Variants in TBC1D22A observed in about 807,000 individuals in gnomAD.
TBC1D22A encodes putative GTPase activator.
Under a neutral mutation model 60.2 loss-of-function variants are expected in TBC1D22A, and 38 were observed. That is an observed-to-expected ratio of 0.63 (90% CI 0.49 to 0.83). The LOEUF (loss-of-function observed/expected upper bound fraction) is 0.83. Ranked by LOEUF, TBC1D22A falls within the 40% of genes least tolerant of loss-of-function variation. The pLI is 0.00. For synonymous variants in TBC1D22A, 302 were observed against 281.7 expected, an observed-to-expected ratio of 1.07 and a Z score of -0.72; for missense variants, 628 against 701.0, an observed-to-expected ratio of 0.90 and a Z score of 1.18.
intron 5 of TBC1D22A, among the ~76,000 whole-genome samples, chr22:46,879,100 A>G (rs1400475702): frequency 6.7e-6 from 1 of 149,214 alleles, no homozygotes; most frequent in Non-Finnish European, 1.5e-5. Flanking sequence ...GAAAACAAGG[A>G]CATATGTTTG....
chr22:46,825,272 T>C (rs1353438205), intron 4 of TBC1D22A, among the ~76,000 whole-genome samples: 1 of 152,116 alleles, frequency 6.6e-6, no homozygotes, highest in Non-Finnish European at 1.5e-5. Context: ...TTTTTCTTCC[T>C]GGGGGTCTGA....
At chr22:46,894,899 A>G (rs1396222021) in intron 7 of TBC1D22A, 53 bp downstream of exon 7, 2 of 1,598,056 alleles carry the variant, frequency 1.3e-6, no homozygotes, top group African/African-American at 1.3e-5. Context: ...GCTGATGCCC[A>G]CTGTGCTAAC....
At chr22:47,153,505 G>A (rs1049453708) in intron 12 of TBC1D22A, among the ~76,000 whole-genome samples, 3 of 152,082 alleles carry the variant, frequency 2.0e-5, no homozygotes, top group African/African-American at 7.2e-5. Context: ...CGTGAGAGAA[G>A]GGGGCCCGGT....
At chr22:47,047,851 G>A (rs888324061) in intron 11 of TBC1D22A, among the ~76,000 whole-genome samples, 1 of 152,164 alleles carries the variant, frequency 6.6e-6, no homozygotes, top group South Asian at 2.1e-4. Context: ...GCCTTTGCTC[G>A]AGCTGTGCCC....
intron 11 of TBC1D22A, among the ~76,000 whole-genome samples, chr22:47,039,722 A>AAG (rs960982093): frequency 7.3e-5 from 11 of 150,936 alleles, no homozygotes; most frequent in African/African-American, 2.4e-4. Flanking sequence ...AAAAAAAAAA[A>AAG]AAAAAGAAAT....
chr22:46,898,064 T>G (rs2068780021), intron 7 of TBC1D22A, among the ~76,000 whole-genome samples: 1 of 152,210 alleles, frequency 6.6e-6, no homozygotes, highest in Admixed American at 6.5e-5. Context: ...ATGAGATAAT[T>G]TGTTATAACC....
intron 5 of TBC1D22A, among the ~76,000 whole-genome samples, chr22:46,888,597 C>G (rs192057349): frequency 3.9e-5 from 6 of 152,296 alleles, no homozygotes; most frequent in African/African-American, 1.4e-4. Context: ...GACTACTGAC[C>G]AGGAGCCCAG....
At chr22:46,947,855 GGCCACCTTTCCATTCTGTT>G (rs1258021491) in intron 8 of TBC1D22A, among the ~76,000 whole-genome samples, 1 of 152,140 alleles carries the variant, frequency 6.6e-6, no homozygotes, top group African/African-American at 2.4e-5. Flanking sequence ...AGGATTCTGT[GGCCACCTTTCCATTCTGTT>G]GCTAACTTTG....
intron 12 of TBC1D22A, among the ~76,000 whole-genome samples, chr22:47,166,569 C>T (rs1397635614): frequency 6.6e-6 from 1 of 152,230 alleles, no homozygotes; most frequent in Non-Finnish European, 1.5e-5. Context: ...AGCCTGCATC[C>T]CATGGTTCCA....
At chr22:47,036,185 C>A (rs2062651273) in intron 10 of TBC1D22A, among the ~76,000 whole-genome samples, 1 of 152,126 alleles carries the variant, frequency 6.6e-6, no homozygotes, top group Non-Finnish European at 1.5e-5. Flanking sequence ...GTTTTAAAAA[C>A]CAAGGATCCA....
intron 6 of TBC1D22A, among the ~76,000 whole-genome samples, chr22:46,893,531 G>C (rs561668195): frequency 2.0e-5 from 3 of 152,214 alleles, no homozygotes; most frequent in African/African-American, 7.2e-5. Context: ...TGCTGGCCCT[G>C]GTCATGCAGA....
intron 11 of TBC1D22A, among the ~76,000 whole-genome samples, chr22:47,077,483 A>G (rs1454591173): frequency 2.0e-5 from 3 of 152,126 alleles, no homozygotes; most frequent in Non-Finnish European, 4.4e-5. Flanking sequence ...CTCCCGCCCT[A>G]TTGGAAGTGG....
At chr22:46,969,132 C>G (rs1036258863) in intron 8 of TBC1D22A, among the ~76,000 whole-genome samples, 2 of 152,158 alleles carry the variant, frequency 1.3e-5, no homozygotes. Context: ...GTACCACCAC[C>G]CGTGGGATCT....
chr22:47,125,176 G>A (rs892482024), intron 12 of TBC1D22A, among the ~76,000 whole-genome samples: 6 of 152,142 alleles, frequency 3.9e-5, no homozygotes, highest in South Asian at 4.2e-4. Flanking sequence ...CCCAGGCTCC[G>A]GCAAGATCTG....
At chr22:46,792,661 C>T in intron 2 of TBC1D22A, 85 bp downstream of exon 2, 2 of 1,612,460 alleles carry the variant, frequency 1.2e-6, no homozygotes, top group Admixed American at 1.7e-5. Flanking sequence ...TTCCTTCCTG[C>T]TCCCAGGCAT....
intron 12 of TBC1D22A, among the ~76,000 whole-genome samples, chr22:47,134,078 A>G (rs1185057202): frequency 1.3e-5 from 2 of 152,190 alleles, no homozygotes; most frequent in Non-Finnish European, 2.9e-5. Context: ...TGTGGGGCAG[A>G]GGGCAGGGGA....
chr22:46,963,745 G>T (rs544666044), intron 8 of TBC1D22A, among the ~76,000 whole-genome samples: 2 of 152,194 alleles, frequency 1.3e-5, no homozygotes, highest in Non-Finnish European at 2.9e-5. Flanking sequence ...TTCTGGGGCC[G>T]TGCACCTCCC....
intron 8 of TBC1D22A, among the ~76,000 whole-genome samples, chr22:46,919,648 T>C (rs6008001): frequency 0.21 from 31,120 of 151,762 alleles, 4,436 homozygotes; most frequent in African/African-American, 0.41. Context: ...TCCCTGCCCA[T>C]AGCATTGTGG....
chr22:47,090,735 G>A (rs375772748), intron 11 of TBC1D22A, among the ~76,000 whole-genome samples: 3 of 149,842 alleles, frequency 2.0e-5, no homozygotes, highest in Non-Finnish European at 3.0e-5. Flanking sequence ...GAGTGGCCTC[G>A]CAGAGGGGGT....
Sources: allele counts gnomAD v4.1 joint callset (sites outside exome capture counted in the v4.1 genomes callset), GRCh38; gene constraint gnomAD v4.1.1; transcripts MANE v1.5; gene names NCBI Gene and HGNC (gene_info 2026-07-23, HGNC 2026-07-21).